The following XKR4 variants were observed in gnomAD, a reference collection of about 807,000 sequenced individuals.
The protein encoded by XKR4 is XK-related protein 4.
A neutral mutation model predicts 53.9 loss-of-function variants in XKR4; 12 were observed. The observed-to-expected ratio is 0.22, with a 90% CI of 0.14 to 0.36. XKR4 has a LOEUF of 0.36. Among genes scored for constraint, XKR4 ranks in the 10% least tolerant of loss-of-function variants. XKR4 has a pLI of 1.00. For missense variants in XKR4, 799 were observed against 859.5 expected (o/e 0.93, Z 0.88); for synonymous variants, 354 against 362.4 (o/e 0.98, Z 0.26).
At chr8:55,480,330 C>T (rs529654061) in intron 2 of XKR4, among the ~76,000 whole-genome samples, 100 of 152,218 alleles carry the variant, frequency 6.6e-4, no homozygotes, top group African/African-American at 2.2e-3. Flanking sequence ...ATGCAGAAAA[C>T]GCCTTTGACA....
intron 1 of XKR4, among the ~76,000 whole-genome samples, chr8:55,134,334 G>A (rs926858923): frequency 2.0e-5 from 3 of 152,204 alleles, no homozygotes; most frequent in African/African-American, 7.2e-5. Flanking sequence ...AGCTATTTGT[G>A]TGTGCTCATG....
At chr8:55,317,585 G>A (rs939834352) in intron 1 of XKR4, among the ~76,000 whole-genome samples, 1 of 152,194 alleles carries the variant, frequency 6.6e-6, no homozygotes, top group African/African-American at 2.4e-5. Context: ...AGACAGTACT[G>A]TGGCATTTTC....
chr8:55,453,289 G>T (rs1469110799), intron 2 of XKR4: 2 of 486,550 alleles, frequency 4.1e-6, no homozygotes, highest in Admixed American at 2.3e-5. Flanking sequence ...AGTCCTGCAG[G>T]CAGCAGTTCA....
At chr8:55,440,815 T>C (rs1805253084) in intron 2 of XKR4, among the ~76,000 whole-genome samples, 2 of 152,072 alleles carry the variant, frequency 1.3e-5, no homozygotes, top group Non-Finnish European at 2.9e-5. Flanking sequence ...ATAACAATAA[T>C]AATGATCCTA....
chr8:55,442,965 G>A (rs892377817), intron 2 of XKR4, among the ~76,000 whole-genome samples: 5 of 152,074 alleles, frequency 3.3e-5, no homozygotes, highest in Non-Finnish European at 7.4e-5. Flanking sequence ...CAATTAAAAA[G>A]GGCAATGGAA....
chr8:55,107,349 G>A (rs145648629), intron 1 of XKR4, among the ~76,000 whole-genome samples: 1 of 152,120 alleles, frequency 6.6e-6, no homozygotes, highest in Non-Finnish European at 1.5e-5. Flanking sequence ...TTTTCTGGCT[G>A]AACTGGCTAC....
At chr8:55,230,812 G>T (rs1028246883) in intron 1 of XKR4, among the ~76,000 whole-genome samples, 3 of 152,042 alleles carry the variant, frequency 2.0e-5, no homozygotes, top group African/African-American at 7.2e-5. Context: ...CCTTGTTCTG[G>T]TTCCTTGACT....
At chr8:55,305,288 A>T (rs1231369878) in intron 1 of XKR4, among the ~76,000 whole-genome samples, 1 of 152,200 alleles carries the variant, frequency 6.6e-6, no homozygotes, top group East Asian at 1.9e-4. Context: ...TCATTACAGA[A>T]AGTGCTGATG....
At chr8:55,446,843 G>A (rs1327035321) in intron 2 of XKR4, among the ~76,000 whole-genome samples, 3 of 152,178 alleles carry the variant, frequency 2.0e-5, no homozygotes, top group Non-Finnish European at 4.4e-5. Flanking sequence ...TTAGGTCAAT[G>A]GACGTTTGCA....
At chr8:55,261,712 G>T (rs568263936) in intron 1 of XKR4, among the ~76,000 whole-genome samples, 1 of 152,304 alleles carries the variant, frequency 6.6e-6, no homozygotes, top group East Asian at 1.9e-4. Context: ...GAAACAGACA[G>T]CTGAGCAGAT....
rs189255782 is a variant in XKR4 at position 55,254,413 on chromosome 8, G to A, written c.807-103265G>A. ...GGCCCACGGTTGTCATGGATTGGGC[G>A]TGTGGCAGTTCAGAGAGTACAGGAT... On this transcript the variant is annotated intron_variant, in intron 1 of 2. Transcript: ENST00000327381. Among the ~76,000 whole-genome samples the A allele has an allele frequency of 2.0e-4, 30 of 152,282 alleles. No individual in the cohort carries two copies. The Middle Eastern group carries it at 0.01, about 52-fold the overall frequency.
chr8:55,220,006 A>T (rs1333704484), intron 1 of XKR4, among the ~76,000 whole-genome samples: 2 of 152,158 alleles, frequency 1.3e-5, no homozygotes, highest in South Asian at 4.1e-4. Context: ...GCACTGTGAT[A>T]ACCATAGTTA....
intron 1 of XKR4, among the ~76,000 whole-genome samples, chr8:55,122,228 T>C (rs1460388192): frequency 6.6e-6 from 1 of 152,240 alleles, no homozygotes; most frequent in Non-Finnish European, 1.5e-5. Context: ...TTGTACTGTA[T>C]AGAAACAACT....
At chr8:55,402,360 G>A (rs546202243) in intron 2 of XKR4, among the ~76,000 whole-genome samples, 4 of 152,300 alleles carry the variant, frequency 2.6e-5, no homozygotes, top group African/African-American at 9.6e-5. Context: ...GAACCACTGT[G>A]CAAATAGGTC....
intron 2 of XKR4, among the ~76,000 whole-genome samples, chr8:55,432,423 C>T (rs558126814): frequency 3.9e-5 from 6 of 152,286 alleles, no homozygotes; most frequent in African/African-American, 1.4e-4. Flanking sequence ...CAGTGCAGGC[C>T]TTTAGTGCCC....
At chr8:55,328,536 C>G (rs561648916) in intron 1 of XKR4, among the ~76,000 whole-genome samples, 1 of 152,178 alleles carries the variant, frequency 6.6e-6, no homozygotes, top group Admixed American at 6.5e-5. Flanking sequence ...AACCTCACTA[C>G]CATGACCTCT....
At chr8:55,352,102 A>G (rs1028602367) in intron 1 of XKR4, among the ~76,000 whole-genome samples, 26 of 152,264 alleles carry the variant, frequency 1.7e-4, no homozygotes, top group Non-Finnish European at 2.1e-4. Flanking sequence ...ACAGATGAAT[A>G]CATACAAAAA....
chr8:55,223,117 C>A (rs978359363), intron 1 of XKR4, among the ~76,000 whole-genome samples: 6 of 152,196 alleles, frequency 3.9e-5, no homozygotes, highest in African/African-American at 1.4e-4. Context: ...AACCCTGATG[C>A]TATCAGCACA....
intron 1 of XKR4, among the ~76,000 whole-genome samples, chr8:55,112,485 T>C (rs9969502): frequency 0.02 from 3,107 of 151,888 alleles, 108 homozygotes; most frequent in African/African-American, 0.071. Context: ...GAAAGCAGTC[T>C]GACTTCTTTT....
Sources: allele counts gnomAD v4.1 joint callset (sites outside exome capture counted in the v4.1 genomes callset), GRCh38; gene constraint gnomAD v4.1.1; transcripts MANE v1.5; gene names NCBI Gene and HGNC (gene_info 2026-07-23, HGNC 2026-07-21).